ANKFN1: variants seen among roughly 807,000 people sequenced by gnomAD.
ANKFN1 encodes ankyrin repeat and fibronectin type-III domain-containing protein 1.
In ANKFN1, 74 loss-of-function variants were observed where a neutral mutation model predicts 108.7. That is an observed-to-expected ratio of 0.68 (90% CI 0.56 to 0.83). The LOEUF (loss-of-function observed/expected upper bound fraction) is 0.83, where lower values mean the gene tolerates loss of function less well. Among genes scored for constraint, ANKFN1 ranks in the 40% least tolerant of loss-of-function variants. The pLI is 0.00. For missense variants in ANKFN1, 1,505 were observed against 1,382.3 expected, an observed-to-expected ratio of 1.09 and a Z score of -1.41; for synonymous variants, 547 against 516.2, an observed-to-expected ratio of 1.06 and a Z score of -0.81.
intron 4 of ANKFN1, among the ~76,000 whole-genome samples, chr17:56,327,839 T>C (rs2045563428): frequency 6.6e-6 from 1 of 152,226 alleles, no homozygotes; most frequent in Admixed American, 6.5e-5. Flanking sequence ...GGTTCTTTTG[T>C]TAAATGATGA....
intron 8 of ANKFN1, among the ~76,000 whole-genome samples, chr17:56,429,626 T>A (rs2048688073): frequency 6.6e-6 from 1 of 152,212 alleles, no homozygotes; most frequent in South Asian, 2.1e-4. Flanking sequence ...TTGTAGACTA[T>A]GTTGAGGAGT....
At position 56,129,795 on chromosome 17, in the gene ANKFN1, T is replaced by G. The variant is rs1907169810; in HGVS notation, c.288+83470T>G. 5.9e-5 allele frequency among the ~76,000 whole-genome samples: 9 copies of G among 152,190 alleles called. No homozygotes were observed. In the South Asian group the frequency reaches 1.9e-3, roughly 31 times the overall value. ...GGAAAGCCTTAGACCAGCACAATGT[T>G]GTATTGCTCACTGTGTCCTTCCAAT... On this transcript the variant is annotated intron_variant, in intron 4 of 12. Transcript: ENST00000635860.
chr17:56,467,459 C>T (rs2050113306), intron 15 of ANKFN1, among the ~76,000 whole-genome samples: 1 of 152,052 alleles, frequency 6.6e-6, no homozygotes, highest in South Asian at 2.1e-4. Context: ...GCAGGCAGGT[C>T]ACCTGAGGTC....
intron 3 of ANKFN1, among the ~76,000 whole-genome samples, chr17:56,262,127 G>A (rs373756960): frequency 5.9e-5 from 9 of 152,132 alleles, no homozygotes; most frequent in African/African-American, 2.2e-4. Context: ...CCAAATACTA[G>A]GCAGGTTGAA....
At chr17:56,479,629 A>G (rs1196695763) in intron 16 of ANKFN1, among the ~76,000 whole-genome samples, 1 of 152,246 alleles carries the variant, frequency 6.6e-6, no homozygotes, top group Non-Finnish European at 1.5e-5. Context: ...AAAAGAGAGT[A>G]GTTTTTGATG....
intron 2 of ANKFN1, among the ~76,000 whole-genome samples, chr17:56,216,439 C>A (rs568965610): frequency 4.6e-5 from 7 of 152,232 alleles, no homozygotes; most frequent in Admixed American, 3.3e-4. Flanking sequence ...TATTCAGAGT[C>A]GGATCATAAT....
At chr17:56,408,684 A>G (rs192863979) in intron 8 of ANKFN1, among the ~76,000 whole-genome samples, 49 of 152,324 alleles carry the variant, frequency 3.2e-4, no homozygotes, top group African/African-American at 1.1e-3. Flanking sequence ...ACACCAGGCT[A>G]AAAAAGAGAG....
intron 3 of ANKFN1, among the ~76,000 whole-genome samples, chr17:56,310,077 A>G (rs558599629): frequency 2.6e-5 from 4 of 152,214 alleles, no homozygotes; most frequent in Non-Finnish European, 5.9e-5. Context: ...GATGAAATCA[A>G]TGACTAGGGG....
chr17:56,148,215 A>T, intron 4 of ANKFN1, among the ~76,000 whole-genome samples: 1 of 152,242 alleles, frequency 6.6e-6, no homozygotes, highest in East Asian at 1.9e-4. Context: ...TTCTTAGCAG[A>T]TGTAAACATT....
chr17:56,203,633 G>A (rs531200009), intron 1 of ANKFN1, among the ~76,000 whole-genome samples: 82 of 152,344 alleles, frequency 5.4e-4, no homozygotes, highest in Non-Finnish European at 1.0e-3. Context: ...TGAATGAGCT[G>A]TCAAGGAAGT....
At chr17:56,105,221 T>G (rs569767377) in intron 4 of ANKFN1, among the ~76,000 whole-genome samples, 5 of 152,140 alleles carry the variant, frequency 3.3e-5, no homozygotes, top group Admixed American at 3.3e-4. Context: ...GTGGAAACAA[T>G]AGTCAAGGAG....
intron 4 of ANKFN1, among the ~76,000 whole-genome samples, chr17:56,053,777 C>A (rs1407183271): frequency 2.6e-5 from 4 of 152,160 alleles, no homozygotes; most frequent in Non-Finnish European, 1.5e-5. Context: ...AGCAACAGTG[C>A]ATGTAGGTTC....
intron 2 of ANKFN1, among the ~76,000 whole-genome samples, chr17:56,220,820 AAGGAAGGAAGGG>A (rs1167328097): frequency 0.014 from 783 of 54,070 alleles, 50 homozygotes; most frequent in African/African-American, 0.11. Flanking sequence ...GGAAGGAAGG[AAGGAAGGAAGGG>A]AGGAAGGGAG....
intron 3 of ANKFN1, among the ~76,000 whole-genome samples, chr17:56,230,769 G>T (rs939080280): frequency 1.3e-5 from 2 of 152,028 alleles, no homozygotes; most frequent in African/African-American, 4.8e-5. Context: ...TTTTTAAGAG[G>T]CTTGGTGATA....
chr17:56,216,379 G>T (rs973596110), intron 2 of ANKFN1, among the ~76,000 whole-genome samples: 1 of 152,150 alleles, frequency 6.6e-6, no homozygotes, highest in Non-Finnish European at 1.5e-5. Flanking sequence ...AGTCTGTATT[G>T]TCAGCTGACA....
At chr17:56,478,694 A>G (rs2050594559) in intron 16 of ANKFN1, among the ~76,000 whole-genome samples, 1 of 151,832 alleles carries the variant, frequency 6.6e-6, no homozygotes, top group Non-Finnish European at 1.5e-5. Flanking sequence ...AAGAGAAGAA[A>G]AGAAAAAAAG....
At position 56,516,525 on chromosome 17, in the gene ANKFN1, G is replaced by T. The variant is rs1237977181; in HGVS notation, c.*5256G>T. Among the ~76,000 whole-genome samples the T allele has an allele frequency of 6.6e-6, 1 of 152,180 alleles. No homozygotes were observed. The highest frequency in any genetic ancestry group is 1.5e-5 in the Non-Finnish European group (1 of 68,036). ...TGCTTTAAACCTCTGTAAACATGCAGATGAATCATGTATGGTGTGTTAAAT... is the reference window on the plus strand; with the variant it reads ...TGCTTTAAACCTCTGTAAACATGCATATGAATCATGTATGGTGTGTTAAAT... On this transcript the variant is annotated 3_prime_UTR_variant, in exon 21 of 21. Transcript: ENST00000682825.
chr17:56,172,441 A>C (rs1175373961), intron 1 of ANKFN1, among the ~76,000 whole-genome samples: 2 of 152,152 alleles, frequency 1.3e-5, no homozygotes, highest in Non-Finnish European at 2.9e-5. Context: ...ACACCAAGAC[A>C]TCAGGCTGGG....
chr17:56,070,584 TG>T (rs1567781229), intron 4 of ANKFN1, among the ~76,000 whole-genome samples: 1 of 152,166 alleles, frequency 6.6e-6, no homozygotes, highest in African/African-American at 2.4e-5. Context: ...TATACCTTTT[TG>T]GGGCCACTGT....
Sources: gnomAD v4.1 joint callset for allele counts (sites outside exome capture counted in the v4.1 genomes callset) on GRCh38, gnomAD v4.1.1 for gene constraint, MANE v1.5 for transcripts, NCBI Gene and HGNC (gene_info 2026-07-23, HGNC 2026-07-21) for gene names.